The following PTPRD variants were observed in gnomAD, a reference collection of about 807,000 sequenced individuals.
PTPRD encodes the protein receptor-type tyrosine-protein phosphatase delta.
A neutral mutation model predicts 214.5 loss-of-function variants in PTPRD; 34 were observed. The observed-to-expected ratio is 0.16, with a 90% CI of 0.12 to 0.21. PTPRD has a LOEUF of 0.21. Ranked by LOEUF, PTPRD falls within the 10% of genes least tolerant of loss-of-function variation. The pLI is 1.00. For missense variants in PTPRD, 2,545 were observed against 2,398.7 expected (o/e 1.06, Z -1.27); for synonymous variants, 1,128 against 845.7 (o/e 1.33, Z -5.79).
At chr9:8,993,299 C>T (rs1392431817) in intron 11 of PTPRD, among the ~76,000 whole-genome samples, 7 of 152,022 alleles carry the variant, frequency 4.6e-5, no homozygotes, top group African/African-American at 7.2e-5. Context: ...AGTTTAATAA[C>T]AGTATCTATC....
intron 8 of PTPRD, among the ~76,000 whole-genome samples, chr9:9,538,106 G>T (rs1334322579): frequency 6.6e-6 from 1 of 151,830 alleles, no homozygotes; most frequent in Non-Finnish European, 1.5e-5. Flanking sequence ...TATACCACTA[G>T]ATCAAATCAG....
chr9:9,073,000 A>G (rs551654775), intron 10 of PTPRD, among the ~76,000 whole-genome samples: 102 of 152,346 alleles, frequency 6.7e-4, no homozygotes, highest in African/African-American at 1.9e-3. Context: ...GAGGATCTCA[A>G]ACATGGAAGT....
chr9:9,411,215 G>C (rs1378562013), intron 8 of PTPRD, among the ~76,000 whole-genome samples: 4 of 149,016 alleles, frequency 2.7e-5, no homozygotes, highest in African/African-American at 7.4e-5. Context: ...TAATATATTA[G>C]AGTTTGCAAT....
At chr9:9,683,858 T>C (rs190328687) in intron 7 of PTPRD, among the ~76,000 whole-genome samples, 28 of 151,856 alleles carry the variant, frequency 1.8e-4, no homozygotes, top group African/African-American at 6.5e-4. Context: ...TTTAAGACTT[T>C]AAGTTAGTTC....
intron 3 of PTPRD, among the ~76,000 whole-genome samples, chr9:10,205,385 T>TATTTC (rs2099466481): frequency 1.3e-5 from 2 of 151,006 alleles, no homozygotes; most frequent in Non-Finnish European, 2.9e-5. Flanking sequence ...TATTTTATTT[T>TATTTC]ATTTTATTTT....
At chr9:10,346,398 T>G (rs572643564) in intron 2 of PTPRD, among the ~76,000 whole-genome samples, 1 of 152,108 alleles carries the variant, frequency 6.6e-6, no homozygotes, top group Admixed American at 6.6e-5. Flanking sequence ...TGTTTAGGAA[T>G]TGAAAATTGA....
chr9:9,872,689 G>A (rs552591524), intron 5 of PTPRD, among the ~76,000 whole-genome samples: 195 of 152,204 alleles, frequency 1.3e-3, no homozygotes, highest in African/African-American at 4.3e-3. Flanking sequence ...ACATAGCACA[G>A]TGCCTGGTAC....
At chr9:9,959,290 A>C (rs780714028) in intron 4 of PTPRD, among the ~76,000 whole-genome samples, 3 of 152,200 alleles carry the variant, frequency 2.0e-5, no homozygotes, top group Non-Finnish European at 4.4e-5. Flanking sequence ...TAGAAAAGGC[A>C]AAACTTGTAG....
intron 2 of PTPRD, among the ~76,000 whole-genome samples, chr9:10,440,194 T>C (rs73408110): frequency 0.03 from 4,491 of 151,740 alleles, 230 homozygotes; most frequent in African/African-American, 0.1. Context: ...GAATTTGTTA[T>C]AGGAAACTAT....
At chr9:9,857,933 A>T (rs2061875843) in intron 5 of PTPRD, among the ~76,000 whole-genome samples, 1 of 152,232 alleles carries the variant, frequency 6.6e-6, no homozygotes, top group Non-Finnish European at 1.5e-5. Flanking sequence ...AAATGAAAAA[A>T]ATTCAAATGG....
At chr9:10,184,435 T>A (rs1304158871) in intron 3 of PTPRD, among the ~76,000 whole-genome samples, 2 of 151,874 alleles carry the variant, frequency 1.3e-5, no homozygotes, top group East Asian at 3.9e-4. Context: ...AAAATATAAA[T>A]AAATAAATAA....
intron 14 of PTPRD, among the ~76,000 whole-genome samples, chr9:8,562,577 C>G (rs1223879418): frequency 1.3e-5 from 2 of 152,056 alleles, no homozygotes; most frequent in Non-Finnish European, 2.9e-5. Context: ...GGTGGGACTA[C>G]AGACATGTGC....
At chr9:9,793,745 T>G (rs1243992413) in intron 5 of PTPRD, among the ~76,000 whole-genome samples, 2 of 152,150 alleles carry the variant, frequency 1.3e-5, no homozygotes, top group Non-Finnish European at 2.9e-5. Context: ...TTATTTGTTC[T>G]TCCTTCTGTG....
intron 2 of PTPRD, among the ~76,000 whole-genome samples, chr9:10,530,013 T>C (rs930866904): frequency 6.6e-6 from 1 of 151,996 alleles, no homozygotes; most frequent in African/African-American, 2.4e-5. Context: ...ATGGCCCATG[T>C]ATACCTATGT....
chr9:9,603,156 T>C (rs901381388), intron 7 of PTPRD, among the ~76,000 whole-genome samples: 1 of 152,114 alleles, frequency 6.6e-6, no homozygotes, highest in African/African-American at 2.4e-5. Flanking sequence ...ATAAATTGCA[T>C]AGATAGGGTT....
intron 10 of PTPRD, among the ~76,000 whole-genome samples, chr9:9,074,489 AC>A (rs2099748159): frequency 6.6e-6 from 1 of 152,062 alleles, no homozygotes; most frequent in Non-Finnish European, 1.5e-5. Flanking sequence ...CAAAATTGAG[AC>A]TTGTAATTTC....
chr9:10,326,216 T>C (rs2096640416), intron 3 of PTPRD, among the ~76,000 whole-genome samples: 1 of 151,768 alleles, frequency 6.6e-6, no homozygotes, highest in Non-Finnish European at 1.5e-5. Context: ...GCAATTTTTG[T>C]GTTCTTTAAT....
chr9:9,818,472 G>A (rs746980734), intron 5 of PTPRD, among the ~76,000 whole-genome samples: 4 of 152,080 alleles, frequency 2.6e-5, no homozygotes, highest in African/African-American at 4.8e-5. Context: ...TTTAGTTTAT[G>A]AGTAATGTTG....
intron 30 of PTPRD, among the ~76,000 whole-genome samples, chr9:8,480,070 T>A (rs2096847863): frequency 6.6e-6 from 1 of 152,172 alleles, no homozygotes; most frequent in Non-Finnish European, 1.5e-5. Context: ...TCTCTTACTA[T>A]AAGGTAGGAC....
Sources: allele counts gnomAD v4.1 joint callset (sites outside exome capture counted in the v4.1 genomes callset), GRCh38; gene constraint gnomAD v4.1.1; transcripts MANE v1.5; gene names NCBI Gene and HGNC (gene_info 2026-07-23, HGNC 2026-07-21).